The following SPHKAP variants were observed in gnomAD, a reference collection of about 807,000 sequenced individuals.
The protein encoded by SPHKAP is SPHK1 interactor, AKAP domain containing.
Under a neutral mutation model 137.5 loss-of-function variants are expected in SPHKAP, and 67 were observed. That is an observed-to-expected ratio of 0.49 (90% CI 0.40 to 0.60). The LOEUF (loss-of-function observed/expected upper bound fraction) is 0.60, where lower values mean the gene tolerates loss of function less well. Ranked by LOEUF, SPHKAP falls within the 20% of genes least tolerant of loss-of-function variation. The probability of loss-of-function intolerance (pLI) is 0.00; values close to 1 mark genes in which losing one functional copy is unlikely to be tolerated. For synonymous variants in SPHKAP, 813 were observed against 785.3 expected, an observed-to-expected ratio of 1.04 and a Z score of -0.59; for missense variants, 2,097 against 2,069.3, an observed-to-expected ratio of 1.01 and a Z score of -0.26.
chr2:228,171,084 A>AT lies in SPHKAP; in HGVS notation c.32+10482dup, dbSNP rs558954424. 2.9e-4 allele frequency among the ~76,000 whole-genome samples: 44 copies of AT among 152,182 alleles called. No homozygotes were observed. In the South Asian group the frequency reaches 3.5e-3, roughly 12 times the overall value. On this transcript the variant is annotated intron_variant, in intron 1 of 11. Transcript: ENST00000392056. Reference sequence around the variant, plus strand: ...GGAGGTGAGAAATTGTATAGACATTATTTTTTCTTATGGAAAAGTAAAGAA... The same window carrying AT: ...GGAGGTGAGAAATTGTATAGACATTATTTTTTTCTTATGGAAAAGTAAAGAA...
intron 3 of SPHKAP, among the ~76,000 whole-genome samples, chr2:228,031,990 G>A (rs1411114790): frequency 3.3e-5 from 5 of 152,186 alleles, no homozygotes; most frequent in Non-Finnish European, 5.9e-5. Context: ...CTCCTCCAAA[G>A]GAACGCAGCT....
intron 7 of SPHKAP, among the ~76,000 whole-genome samples, chr2:227,997,047 C>A (rs372310259): frequency 6.6e-6 from 1 of 152,160 alleles, no homozygotes; most frequent in African/African-American, 2.4e-5. Context: ...AGCCTTCCAA[C>A]GGTTGTGCTT....
intron 7 of SPHKAP, among the ~76,000 whole-genome samples, chr2:228,013,846 A>G (rs1367126649): frequency 5.3e-5 from 8 of 152,178 alleles, no homozygotes; most frequent in Admixed American, 5.2e-4. Flanking sequence ...AGCATTTTCA[A>G]TATTTAGTCC....
chr2:228,075,744 A>G (rs568100581), intron 3 of SPHKAP, among the ~76,000 whole-genome samples: 9 of 152,342 alleles, frequency 5.9e-5, no homozygotes, highest in African/African-American at 2.2e-4. Context: ...ATTTCTTAGG[A>G]CACTTTGAGT....
At chr2:228,140,819 T>G (rs1379193871) in intron 1 of SPHKAP, among the ~76,000 whole-genome samples, 1 of 152,078 alleles carries the variant, frequency 6.6e-6, no homozygotes, top group African/African-American at 2.4e-5. Context: ...TCTCGCTCTC[T>G]TCTGCTTTTG....
At chr2:227,999,290 T>C (rs1022689304) in intron 7 of SPHKAP, among the ~76,000 whole-genome samples, 2 of 152,188 alleles carry the variant, frequency 1.3e-5, no homozygotes, top group South Asian at 4.1e-4. Flanking sequence ...TTGGTTTTTC[T>C]TGTTGAAATA....
At chr2:228,128,319 C>T (rs1189983092) in intron 2 of SPHKAP, among the ~76,000 whole-genome samples, 1 of 152,192 alleles carries the variant, frequency 6.6e-6, no homozygotes, top group African/African-American at 2.4e-5. Context: ...TAGAGTCCAT[C>T]TCAAGAAACC....
Position 228,020,025 on chromosome 2 carries a change from G to C in SPHKAP, c.829C>G (p.Pro277Ala), listed in dbSNP as rs1464072193. The C allele has an allele frequency of 9.9e-6, 16 of 1,614,046 alleles. No individual in the cohort carries two copies. Among genetic ancestry groups the C allele is most frequent in the Admixed American group, 1.7e-5 (1 of 59,994 alleles). Residue 277 changes from proline to alanine, a missense_variant, in exon 7 of 12, where the codon CCC becomes GCC. By Grantham distance (27) the Pro-to-Ala change is conservative. Coordinates refer to ENST00000392056, the MANE Select transcript of SPHKAP (RefSeq NM_001142644.2). Reference sequence around the variant, plus strand: ...CGTTCTGTTTTAATCAATGGTGTGGGATATTTGTTGATGTATTTGTCTTCC... The same window carrying C: ...CGTTCTGTTTTAATCAATGGTGTGGCATATTTGTTGATGTATTTGTCTTCC... ...ALEDKYINKY[P>A]TPLIKTERSP... is the part of the protein sequence containing the mutation.
chr2:228,013,057 T>C (rs1383574570), intron 7 of SPHKAP, among the ~76,000 whole-genome samples: 1 of 152,218 alleles, frequency 6.6e-6, no homozygotes, highest in Non-Finnish European at 1.5e-5. Flanking sequence ...AGAGTGCATA[T>C]GCCACTTACC....
At chr2:228,120,375 G>A (rs1459472105) in intron 2 of SPHKAP, among the ~76,000 whole-genome samples, 1 of 152,034 alleles carries the variant, frequency 6.6e-6, no homozygotes, top group East Asian at 1.9e-4. Context: ...CTGTTTTATG[G>A]AGCATTTATC....
chr2:228,115,035 A>G (rs1205569118), intron 2 of SPHKAP, among the ~76,000 whole-genome samples: 1 of 152,068 alleles, frequency 6.6e-6, no homozygotes, highest in East Asian at 1.9e-4. Context: ...TGAAAGGTGG[A>G]TTTGTGTTGT....
At chr2:227,998,173 A>AT (rs1387105314) in intron 7 of SPHKAP, among the ~76,000 whole-genome samples, 1 of 151,962 alleles carries the variant, frequency 6.6e-6, no homozygotes, top group Non-Finnish European at 1.5e-5. Flanking sequence ...TGCCTGGCTA[A>AT]TTTTTTTATT....
chr2:228,136,328 C>T (rs115309878), intron 1 of SPHKAP, among the ~76,000 whole-genome samples: 1 of 152,250 alleles, frequency 6.6e-6, no homozygotes, highest in African/African-American at 2.4e-5. Context: ...TGAGGATGTA[C>T]ATAAACATGG....
At chr2:228,163,575 G>A (rs10171038) in intron 1 of SPHKAP, among the ~76,000 whole-genome samples, 10,498 of 152,120 alleles carry the variant, frequency 0.069, 411 homozygotes, top group Non-Finnish European at 0.082. Context: ...AGGAGCAATT[G>A]TACCTATTTA....
At chr2:228,030,513 C>CAAA (rs11287311) in intron 3 of SPHKAP, among the ~76,000 whole-genome samples, 55 of 48,434 alleles carry the variant, frequency 1.1e-3, no homozygotes, top group Non-Finnish European at 1.3e-3. Context: ...GATACCATCT[C>CAAA]AAAAAAAAAA....
chr2:228,034,786 ATTATCT>A (rs1695514998), intron 3 of SPHKAP, among the ~76,000 whole-genome samples: 1 of 152,240 alleles, frequency 6.6e-6, no homozygotes, highest in African/African-American at 2.4e-5. Flanking sequence ...AAACTACATG[ATTATCT>A]TAATAGATGC....
At chr2:228,010,652 A>G (rs1346095543) in intron 7 of SPHKAP, among the ~76,000 whole-genome samples, 1 of 152,140 alleles carries the variant, frequency 6.6e-6, no homozygotes, top group African/African-American at 2.4e-5. Flanking sequence ...TAGGTATGCC[A>G]TTGTGGTTTT....
intron 1 of SPHKAP, among the ~76,000 whole-genome samples, chr2:228,162,160 C>A (rs1029422502): frequency 6.6e-6 from 1 of 152,134 alleles, no homozygotes; most frequent in Non-Finnish European, 1.5e-5. Flanking sequence ...AGGAGTTGGG[C>A]CCCTTCAGAG....
intron 1 of SPHKAP, among the ~76,000 whole-genome samples, chr2:228,134,319 A>G (rs1004721599): frequency 2.6e-5 from 4 of 152,038 alleles, no homozygotes; most frequent in Non-Finnish European, 4.4e-5. Flanking sequence ...AATTAGCTCC[A>G]TTTCCTGGCT....
Sources: gnomAD v4.1 joint callset for allele counts (sites outside exome capture counted in the v4.1 genomes callset) on GRCh38, gnomAD v4.1.1 for gene constraint, MANE v1.5 for transcripts, NCBI Gene and HGNC (gene_info 2026-07-23, HGNC 2026-07-21) for gene names.